The following OR10R2 variants were observed in gnomAD, a reference collection of about 807,000 sequenced individuals.
OR10R2 encodes the protein olfactory receptor family 10 subfamily R member 2.
OR10R2 carries 1 observed loss-of-function variant against 2.4 expected under a neutral mutation model. That is an observed-to-expected ratio of 0.41 (90% CI 0.15 to 1.95). OR10R2 has a LOEUF of 1.95. Ranked by LOEUF, OR10R2 falls within the 30% of genes most tolerant of loss-of-function variation. The probability of loss-of-function intolerance (pLI) is 0.30; values close to 1 mark genes in which losing one functional copy is unlikely to be tolerated. For missense variants in OR10R2, 419 were observed against 373.0 expected (o/e 1.12, Z -1.01); for synonymous variants, 166 against 144.8 (o/e 1.15, Z -1.05).
chr1:158,475,265 T>G (rs1435557504), intron 1 of OR10R2, among the ~76,000 whole-genome samples: 1 of 152,122 alleles, frequency 6.6e-6, no homozygotes, highest in Non-Finnish European at 1.5e-5. Context: ...AAATACATTT[T>G]TACATATAAA....
intron 1 of OR10R2, among the ~76,000 whole-genome samples, chr1:158,475,035 A>G (rs1436916876): frequency 6.6e-6 from 1 of 152,170 alleles, no homozygotes; most frequent in African/African-American, 2.4e-5. Flanking sequence ...AAATTAATAC[A>G]TTTAATAATA....
chr1:158,475,692 T>C (rs1213580565), intron 1 of OR10R2, among the ~76,000 whole-genome samples: 1 of 151,738 alleles, frequency 6.6e-6, no homozygotes, highest in Non-Finnish European at 1.5e-5. Context: ...TTATTTCTAA[T>C]TGTGCCTTTC....
intron 1 of OR10R2, among the ~76,000 whole-genome samples, chr1:158,476,698 T>C (rs774751600): frequency 2.8e-4 from 42 of 152,206 alleles, no homozygotes; most frequent in Admixed American, 9.2e-4. Flanking sequence ...ACTTGGATAG[T>C]CATGAATATG....
chr1:158,474,862 C>T (rs1656241842), intron 1 of OR10R2, among the ~76,000 whole-genome samples: 1 of 152,024 alleles, frequency 6.6e-6, no homozygotes. Flanking sequence ...GATTCTATAA[C>T]CTCAGTGATG....
intron 1 of OR10R2, among the ~76,000 whole-genome samples, chr1:158,477,693 T>C (rs1046613213): frequency 6.6e-6 from 1 of 152,120 alleles, no homozygotes; most frequent in African/African-American, 2.4e-5. Context: ...ACTCATGAAC[T>C]GGAATAATCA....
exon 2 of OR10R2, chr1:158,480,594 C>G: frequency 6.2e-7 from 1 of 1,613,502 alleles, no homozygotes. Context: ...TTTCTTATCT[C>G]TGCATTCTGA....
At chr1:158,476,448 T>G (rs1320818878) in intron 1 of OR10R2, among the ~76,000 whole-genome samples, 3 of 148,444 alleles carry the variant, frequency 2.0e-5, no homozygotes, top group Non-Finnish European at 4.4e-5. Context: ...CTCAGGAGGC[T>G]GAGGCAGGAG....
intron 1 of OR10R2, among the ~76,000 whole-genome samples, chr1:158,476,340 G>T (rs887470749): frequency 3.3e-5 from 5 of 151,956 alleles, no homozygotes; most frequent in African/African-American, 1.2e-4. Flanking sequence ...GAGGTCAGGA[G>T]ATCGAGATCA....
At chr1:158,480,071 T>G in exon 2 of OR10R2, 1 of 1,613,984 alleles carries the variant, frequency 6.2e-7, no homozygotes, top group Non-Finnish European at 8.5e-7. Flanking sequence ...AATGTCACCA[T>G]TATCAGTGTC....
At chr1:158,479,536 C>T (rs919593433) in intron 1 of OR10R2, among the ~76,000 whole-genome samples, 2 of 151,920 alleles carry the variant, frequency 1.3e-5, no homozygotes, top group Non-Finnish European at 2.9e-5. Context: ...TGTAGTAGGC[C>T]AAATAATGAG....
intron 1 of OR10R2, chr1:158,474,376 G>A (rs1656232255): frequency 6.6e-6 from 1 of 152,078 alleles, no homozygotes; most frequent in Non-Finnish European, 1.5e-5. Flanking sequence ...AAACCCTATA[G>A]CTTCCTACTT....
chr1:158,478,836 T>C (rs1245778649), intron 1 of OR10R2, among the ~76,000 whole-genome samples: 1 of 152,202 alleles, frequency 6.6e-6, no homozygotes, highest in Non-Finnish European at 1.5e-5. Context: ...TTTTCTTGAA[T>C]GTCTACATTA....
At chr1:158,477,431 G>A (rs2101674053) in intron 1 of OR10R2, among the ~76,000 whole-genome samples, 1 of 152,204 alleles carries the variant, frequency 6.6e-6, no homozygotes, top group Middle Eastern at 3.4e-3. Flanking sequence ...AAGGCTCCTA[G>A]AACTGATAAA....
chr1:158,475,951 C>T (rs926471792), intron 1 of OR10R2, among the ~76,000 whole-genome samples: 2 of 151,810 alleles, frequency 1.3e-5, no homozygotes, highest in Non-Finnish European at 2.9e-5. Context: ...GTTTAGGTGG[C>T]ATTGAGATGT....
chr1:158,479,525 T>C (rs2101675371), intron 1 of OR10R2, among the ~76,000 whole-genome samples: 1 of 152,282 alleles, frequency 6.6e-6, no homozygotes. Flanking sequence ...TTGTTGCTTG[T>C]TGTAGTAGGC....
exon 2 of OR10R2, chr1:158,480,266 C>G (rs769327676): frequency 6.2e-7 from 1 of 1,614,098 alleles, no homozygotes; most frequent in Non-Finnish European, 8.5e-7. Context: ...TTTGCCATTA[C>G]CAACTGCCTG....
chr1:158,477,828 G>A (rs1656297797), intron 1 of OR10R2, among the ~76,000 whole-genome samples: 1 of 151,974 alleles, frequency 6.6e-6, no homozygotes, highest in African/African-American at 2.4e-5. Context: ...AACCAAAAAA[G>A]CCCTCAAATA....
At position 158,478,558 on chromosome 1, in the gene OR10R2, GA is replaced by G. The variant is rs144586183; in HGVS notation, c.28-1373del. Among the ~76,000 whole-genome samples the G allele has an allele frequency of 6.7e-3, 1,016 of 152,088 alleles. 12 individuals are homozygous for G. The highest frequency in any genetic ancestry group is 0.022 in the African/African-American group (933 of 41,502). On this transcript the variant is annotated intron_variant, in intron 1 of 1. Coordinates refer to ENST00000641067, the Ensembl canonical transcript of OR10R2. ...TACATTGCTTTGACTATTTACTGCAGAAAAAAACTATTGTAAGTTTCAAACC... is the reference window on the plus strand; with the variant it reads ...TACATTGCTTTGACTATTTACTGCAGAAAAAACTATTGTAAGTTTCAAACC...
intron 1 of OR10R2, among the ~76,000 whole-genome samples, chr1:158,476,010 T>C (rs897456547): frequency 1.3e-5 from 2 of 152,124 alleles, no homozygotes; most frequent in Admixed American, 6.5e-5. Flanking sequence ...AGAATTAAGG[T>C]ATAAACTTTC....
Sources: allele counts gnomAD v4.1 joint callset (sites outside exome capture counted in the v4.1 genomes callset), GRCh38; gene constraint gnomAD v4.1.1; transcripts MANE v1.5; gene names NCBI Gene and HGNC (gene_info 2026-07-23, HGNC 2026-07-21).